The following HPSE2 variants were observed in gnomAD, a reference collection of about 807,000 sequenced individuals.
The protein encoded by HPSE2 is heparanase 2 (inactive), also known as inactive heparanase-2.
In HPSE2, 38 loss-of-function variants were observed where a neutral mutation model predicts 60.5. That is an observed-to-expected ratio of 0.63 (90% CI 0.48 to 0.82). The LOEUF (loss-of-function observed/expected upper bound fraction) is 0.82. HPSE2 is among the 40% of genes least tolerant of loss of function. The pLI is 0.00. For synonymous variants in HPSE2, 295 were observed against 293.2 expected (o/e 1.01, Z -0.06); for missense variants, 713 against 740.4 (o/e 0.96, Z 0.43).
chr10:99,175,348 G>T, intron 2 of HPSE2, among the ~76,000 whole-genome samples: 1 of 152,174 alleles, frequency 6.6e-6, no homozygotes, highest in East Asian at 1.9e-4. Context: ...CCCCCACAGA[G>T]CCCAGCAAGC....
intron 3 of HPSE2, among the ~76,000 whole-genome samples, chr10:99,061,021 A>G (rs1053346115): frequency 1.3e-5 from 2 of 152,174 alleles, no homozygotes; most frequent in African/African-American, 4.8e-5. Flanking sequence ...AAAAAAGTTT[A>G]AGCTCACAGG....
intron 3 of HPSE2, among the ~76,000 whole-genome samples, chr10:99,088,398 T>C (rs1049881299): frequency 6.6e-6 from 1 of 152,158 alleles, no homozygotes; most frequent in African/African-American, 2.4e-5. Flanking sequence ...GTCCATTGTA[T>C]CATTCTTATG....
chr10:98,572,715 T>A (rs1944532014), intron 9 of HPSE2, among the ~76,000 whole-genome samples: 1 of 152,202 alleles, frequency 6.6e-6, no homozygotes, highest in Admixed American at 6.5e-5. Context: ...TTTCCTAACA[T>A]CCTCTTTTTA....
At chr10:98,480,232 C>T (rs1426382706) in intron 11 of HPSE2, among the ~76,000 whole-genome samples, 14 of 151,982 alleles carry the variant, frequency 9.2e-5, no homozygotes. Context: ...CAGGTGCTCA[C>T]CACCACACCT....
intron 2 of HPSE2, among the ~76,000 whole-genome samples, chr10:99,223,521 T>C (rs1440967876): frequency 6.6e-6 from 1 of 152,140 alleles, no homozygotes; most frequent in Non-Finnish European, 1.5e-5. Context: ...TATAGATACA[T>C]GCATGCACCC....
At chr10:98,733,907 T>C (rs1949286359) in intron 4 of HPSE2, among the ~76,000 whole-genome samples, 1 of 152,206 alleles carries the variant, frequency 6.6e-6, no homozygotes, top group Non-Finnish European at 1.5e-5. Flanking sequence ...TATAATTCAA[T>C]GGTTTTTAGT....
chr10:98,774,862 T>C (rs987782238), intron 3 of HPSE2, among the ~76,000 whole-genome samples: 14 of 152,202 alleles, frequency 9.2e-5, no homozygotes, highest in African/African-American at 1.2e-4. Flanking sequence ...TTAGAGTTCA[T>C]TGAATAAAAA....
chr10:98,824,321 G>A (rs547461970), intron 3 of HPSE2, among the ~76,000 whole-genome samples: 2 of 152,236 alleles, frequency 1.3e-5, no homozygotes, highest in South Asian at 2.1e-4. Flanking sequence ...TGATCTGAGC[G>A]GTTGTGTTCA....
chr10:99,282,002 G>A, the HPSE2 span, among the ~76,000 whole-genome samples: 1 of 152,110 alleles, frequency 6.6e-6, no homozygotes, highest in African/African-American at 2.4e-5. Flanking sequence ...GCTCATGCCT[G>A]TAATCCCAGC....
intron 9 of HPSE2, among the ~76,000 whole-genome samples, chr10:98,575,495 A>G (rs927054318): frequency 6.6e-6 from 1 of 152,246 alleles, no homozygotes; most frequent in Non-Finnish European, 1.5e-5. Context: ...AGTCATAGTA[A>G]TAGTGATAAC....
At chr10:98,937,001 A>G (rs1487980391) in intron 3 of HPSE2, among the ~76,000 whole-genome samples, 1 of 141,308 alleles carries the variant, frequency 7.1e-6, no homozygotes, top group Non-Finnish European at 1.5e-5. Flanking sequence ...AAAAAAAAAA[A>G]AAAACAAGTT....
intron 3 of HPSE2, among the ~76,000 whole-genome samples, chr10:98,973,212 T>C (rs1044676477): frequency 3.9e-5 from 6 of 152,174 alleles, no homozygotes; most frequent in African/African-American, 1.4e-4. Context: ...AATCAGAGCC[T>C]GCAGTAACCC....
intron 3 of HPSE2, among the ~76,000 whole-genome samples, chr10:99,036,077 T>C (rs1249223008): frequency 6.6e-6 from 1 of 151,966 alleles, no homozygotes; most frequent in Non-Finnish European, 1.5e-5. Flanking sequence ...AAACTAGGCA[T>C]AGAACCATGT....
At chr10:98,810,932 G>T (rs1951156733) in intron 3 of HPSE2, among the ~76,000 whole-genome samples, 1 of 152,056 alleles carries the variant, frequency 6.6e-6, no homozygotes, top group South Asian at 2.1e-4. Context: ...GAGCAGGAAG[G>T]CAGGGATGGG....
intron 3 of HPSE2, among the ~76,000 whole-genome samples, chr10:98,943,286 T>C (rs1955075720): frequency 6.6e-6 from 1 of 151,580 alleles, no homozygotes; most frequent in African/African-American, 2.4e-5. Context: ...ATAAAAATAA[T>C]TATCTGTGAG....
intron 11 of HPSE2, among the ~76,000 whole-genome samples, chr10:98,478,893 TTA>T (rs1941124988): frequency 6.6e-6 from 1 of 152,150 alleles, no homozygotes; most frequent in South Asian, 2.1e-4. Flanking sequence ...GAACAGTCTC[TTA>T]TATAAGGAGT....
intron 2 of HPSE2, among the ~76,000 whole-genome samples, chr10:99,232,079 C>T (rs1477145144): frequency 6.6e-6 from 1 of 152,162 alleles, no homozygotes; most frequent in African/African-American, 2.4e-5. Flanking sequence ...GTGAGAACAA[C>T]CTGGAGAACC....
At chr10:98,490,563 G>A (rs947256457) in intron 9 of HPSE2, among the ~76,000 whole-genome samples, 74 of 152,156 alleles carry the variant, frequency 4.9e-4, no homozygotes, top group African/African-American at 1.7e-3. Context: ...CTTTTATAGC[G>A]GCTTATGATT....
chr10:99,240,739 T>A (rs78189384), upstream of HPSE2, among the ~76,000 whole-genome samples: 3,100 of 152,242 alleles, frequency 0.02, 112 homozygotes, highest in East Asian at 0.16. Context: ...ACTTTTCCTA[T>A]GCCTTTTTCT....
Sources: allele counts gnomAD v4.1 joint callset (sites outside exome capture counted in the v4.1 genomes callset), GRCh38; gene constraint gnomAD v4.1.1; transcripts MANE v1.5; gene names NCBI Gene and HGNC (gene_info 2026-07-23, HGNC 2026-07-21).